SUMF1: variants seen among roughly 807,000 people sequenced by gnomAD.
SUMF1 encodes formylglycine-generating enzyme.
In SUMF1, 48 loss-of-function variants were observed where a neutral mutation model predicts 47.6. The ratio of observed to expected loss-of-function variants is 1.01; its 90% CI spans 0.80 to 1.28. The LOEUF (loss-of-function observed/expected upper bound fraction) is 1.28. Ranked by LOEUF, SUMF1 falls within the 50% of genes most tolerant of loss-of-function variation. The pLI, the probability that SUMF1 is intolerant of heterozygous loss-of-function variation, is 0.00. For missense variants in SUMF1, 571 were observed against 485.4 expected (o/e 1.18, Z -1.66); for synonymous variants, 230 against 192.1 (o/e 1.20, Z -1.63).
At chr3:4,429,985 C>T (rs969704992) in intron 3 of SUMF1, among the ~76,000 whole-genome samples, 3 of 152,086 alleles carry the variant, frequency 2.0e-5, no homozygotes, top group Non-Finnish European at 4.4e-5. Flanking sequence ...TTTTAAAGGA[C>T]TTTAAAGGTG....
At chr3:4,346,389 C>T (rs1482998026) in intron 8 of SUMF1, among the ~76,000 whole-genome samples, 2 of 152,162 alleles carry the variant, frequency 1.3e-5, no homozygotes, top group Admixed American at 6.5e-5. Flanking sequence ...CAAAACCACA[C>T]AATTTCATGG....
At chr3:4,244,849 C>A (rs1696624916) in intron 8 of SUMF1, among the ~76,000 whole-genome samples, 1 of 152,116 alleles carries the variant, frequency 6.6e-6, no homozygotes, top group Non-Finnish European at 1.5e-5. Context: ...TGTTTTCCAA[C>A]TGATTCCATT....
At chr3:4,129,999 T>A (rs1263940657) in intron 8 of SUMF1, among the ~76,000 whole-genome samples, 2 of 152,034 alleles carry the variant, frequency 1.3e-5, no homozygotes, top group Non-Finnish European at 2.9e-5. Flanking sequence ...ATGGAAGACA[T>A]TAGAGCTGCC....
intron 8 of SUMF1, among the ~76,000 whole-genome samples, chr3:4,187,889 C>G (rs1253792410): frequency 6.6e-6 from 1 of 152,146 alleles, no homozygotes; most frequent in Non-Finnish European, 1.5e-5. Context: ...ACACCCGGAC[C>G]TTAACATGCA....
At chr3:4,437,278 G>C (rs1256345487) in intron 3 of SUMF1, among the ~76,000 whole-genome samples, 2 of 152,154 alleles carry the variant, frequency 1.3e-5, no homozygotes, top group South Asian at 2.1e-4. Context: ...ACGATGACTA[G>C]AGTAAGGTCA....
At chr3:4,431,470 A>G (rs927514372) in intron 3 of SUMF1, among the ~76,000 whole-genome samples, 1 of 152,174 alleles carries the variant, frequency 6.6e-6, no homozygotes, top group African/African-American at 2.4e-5. Flanking sequence ...ACTGAGAGAG[A>G]AACCACCCAA....
intron 8 of SUMF1, among the ~76,000 whole-genome samples, chr3:4,215,507 C>A (rs1695902356): frequency 6.6e-6 from 1 of 152,168 alleles, no homozygotes; most frequent in African/African-American, 2.4e-5. Context: ...CCCTCTCTCA[C>A]CACCCCTATT....
chr3:4,464,178 T>C (rs1465853681), intron 1 of SUMF1, among the ~76,000 whole-genome samples: 3 of 152,224 alleles, frequency 2.0e-5, no homozygotes, highest in Non-Finnish European at 4.4e-5. Flanking sequence ...CAATGTGCCA[T>C]GTGTTGATAC....
chr3:4,034,605 T>C (rs547745434), intron 9 of SUMF1, among the ~76,000 whole-genome samples: 1 of 152,214 alleles, frequency 6.6e-6, no homozygotes, highest in Admixed American at 6.5e-5. Flanking sequence ...AATTCAAGTT[T>C]GAGAAACCCT....
intron 8 of SUMF1, among the ~76,000 whole-genome samples, chr3:4,365,748 A>T (rs967513362): frequency 6.8e-6 from 1 of 147,902 alleles, no homozygotes; most frequent in Non-Finnish European, 1.5e-5. Flanking sequence ...TGTGAATTTG[A>T]TCCTGTCATT....
In SUMF1 at chr3:4,420,161, G is replaced by T; in HGVS notation, c.520-15C>A. On this transcript the variant is annotated splice_polypyrimidine_tract_variant and intron_variant, in intron 3 of 8. Transcript: ENST00000272902. ...GCAGCTGCAACCTCAAAGCAACCCA[G>T]AACAGGCTGATGTTAGCTACTAACA... The T allele has an allele frequency of 1.2e-6, 2 of 1,610,490 alleles. No individual in the cohort carries two copies. Among genetic ancestry groups the T allele is most frequent in the Middle Eastern group, 1.7e-4 (1 of 6,010 alleles).
At chr3:4,265,402 AT>A (rs201371874) in intron 8 of SUMF1, among the ~76,000 whole-genome samples, 28 of 151,896 alleles carry the variant, frequency 1.8e-4, no homozygotes, top group African/African-American at 6.3e-4. Context: ...TGATTTGTCC[AT>A]TTTTTTGGCA....
At chr3:4,036,007 G>GT (rs559144392) in intron 9 of SUMF1, among the ~76,000 whole-genome samples, 108 of 152,162 alleles carry the variant, frequency 7.1e-4, no homozygotes, top group African/African-American at 2.5e-3. Flanking sequence ...GTCTGCTGGA[G>GT]TTTTTTTAAT....
At chr3:4,371,635 C>G (rs1700171653) in intron 8 of SUMF1, among the ~76,000 whole-genome samples, 1 of 152,176 alleles carries the variant, frequency 6.6e-6, no homozygotes, top group African/African-American at 2.4e-5. Context: ...ATGTTGTAGG[C>G]TGAGCTAAAG....
chr3:4,274,117 A>C (rs1559640893), intron 8 of SUMF1, among the ~76,000 whole-genome samples: 1 of 152,134 alleles, frequency 6.6e-6, no homozygotes, highest in Non-Finnish European at 1.5e-5. Flanking sequence ...AAAAACAAAC[A>C]AACAAACAAA....
chr3:4,142,623 G>A (rs1191362001), intron 8 of SUMF1, among the ~76,000 whole-genome samples: 1 of 152,016 alleles, frequency 6.6e-6, no homozygotes. Context: ...TACAGATAAA[G>A]GCTAATCATC....
At chr3:4,247,016 C>G (rs892847560) in intron 8 of SUMF1, among the ~76,000 whole-genome samples, 3 of 152,092 alleles carry the variant, frequency 2.0e-5, no homozygotes, top group Non-Finnish European at 4.4e-5. Context: ...CAACTGGTTT[C>G]AAGGCATATG....
chr3:4,081,071 G>A (rs753430544), intron 8 of SUMF1, among the ~76,000 whole-genome samples: 1 of 152,138 alleles, frequency 6.6e-6, no homozygotes, highest in African/African-American at 2.4e-5. Context: ...CAGGTTTCAA[G>A]ACAAAGGTGA....
At chr3:4,384,757 G>GT (rs751654688) in intron 7 of SUMF1, among the ~76,000 whole-genome samples, 1 of 152,046 alleles carries the variant, frequency 6.6e-6, no homozygotes, top group Non-Finnish European at 1.5e-5. Context: ...GCTGTTTCTA[G>GT]TTTTTTTGGC....
Sources: allele counts gnomAD v4.1 joint callset (sites outside exome capture counted in the v4.1 genomes callset), GRCh38; gene constraint gnomAD v4.1.1; transcripts MANE v1.5; gene names NCBI Gene and HGNC (gene_info 2026-07-23, HGNC 2026-07-21).